The following ITPK1 variants were observed in gnomAD, a reference collection of about 807,000 sequenced individuals.
ITPK1 encodes the protein inositol 1,3,4-trisphosphate 5/6-kinase.
ITPK1 carries 21 observed loss-of-function variants against 45.3 expected under a neutral mutation model. The observed-to-expected ratio is 0.46, with a 90% confidence interval of 0.33 to 0.67. ITPK1 has a LOEUF of 0.67. Among genes scored for constraint, ITPK1 ranks in the 30% least tolerant of loss-of-function variants. ITPK1 has a pLI of 0.02. For missense variants in ITPK1, 474 were observed against 573.5 expected (o/e 0.83, Z 1.77); for synonymous variants, 258 against 253.6 (o/e 1.02, Z -0.16).
intron 3 of ITPK1, among the ~76,000 whole-genome samples, chr14:93,027,001 G>A (rs56136647): frequency 4.5e-4 from 68 of 152,206 alleles, no homozygotes; most frequent in Admixed American, 1.5e-3. Flanking sequence ...TTCCTTCAAC[G>A]TCACTTTTTT....
At chr14:93,021,863 G>A (rs1024819964) in intron 3 of ITPK1, among the ~76,000 whole-genome samples, 1 of 152,072 alleles carries the variant, frequency 6.6e-6, no homozygotes, top group African/African-American at 2.4e-5. Context: ...GGGGAGGGAA[G>A]CTGTTGAAAA....
intron 3 of ITPK1, among the ~76,000 whole-genome samples, chr14:93,044,600 A>T (rs1889700413): frequency 6.6e-6 from 1 of 152,206 alleles, no homozygotes; most frequent in South Asian, 2.1e-4. Flanking sequence ...CAGCCATGCA[A>T]GCCCCTGGGA....
chr14:92,944,152 G>A (rs1485048576), intron 10 of ITPK1, among the ~76,000 whole-genome samples: 1 of 152,158 alleles, frequency 6.6e-6, no homozygotes, highest in East Asian at 1.9e-4. Context: ...TCTCTGGAGG[G>A]GCCCTCTCCC....
intron 5 of ITPK1, among the ~76,000 whole-genome samples, chr14:92,972,354 T>C (rs1885704681): frequency 6.6e-6 from 1 of 152,012 alleles, no homozygotes; most frequent in African/African-American, 2.4e-5. Context: ...AGGACTGGTG[T>C]CCTTATAAGG....
chr14:93,025,791 C>T (rs1342557524), intron 3 of ITPK1, among the ~76,000 whole-genome samples: 3 of 152,186 alleles, frequency 2.0e-5, no homozygotes, highest in South Asian at 4.1e-4. Context: ...TTTTCCTGAC[C>T]AGTCATGCTC....
In ITPK1 at chr14:93,076,546, C is replaced by T; in HGVS notation, c.120+49G>A. The T allele has an allele frequency of 6.2e-7, 1 of 1,609,222 alleles. No individual in the cohort carries two copies. Among genetic ancestry groups the T allele is most frequent in the Non-Finnish European group, 8.5e-7 (1 of 1,175,672 alleles). On this transcript the variant is annotated intron_variant, in intron 3 of 10. Coordinates refer to ENST00000267615, the MANE Select transcript of ITPK1 (RefSeq NM_014216.6). This position sits in a 1 kb window ranked among gnomAD's most constrained non-coding sequence, Gnocchi z 4.3. ...AGAAGGAGAGACAGAGAGGTGGGCA[C>T]CAAGGGCCCCACTACCCAAAGAACC...
chr14:93,067,409 G>C (rs1054373194), intron 3 of ITPK1: 1 of 152,092 alleles, frequency 6.6e-6, no homozygotes, highest in African/African-American at 2.4e-5. Flanking sequence ...CTTGACATGG[G>C]ATGTGGGAAC....
At chr14:93,040,684 C>A (rs13379225) in intron 3 of ITPK1, among the ~76,000 whole-genome samples, 42 of 152,212 alleles carry the variant, frequency 2.8e-4, no homozygotes, top group Admixed American at 1.8e-3. Context: ...CCCTCTCCCC[C>A]CCGCAGGAGG....
intron 4 of ITPK1, among the ~76,000 whole-genome samples, chr14:93,015,050 G>A (rs376963237): frequency 6.5e-4 from 99 of 152,346 alleles, no homozygotes; most frequent in African/African-American, 2.1e-3. Flanking sequence ...CGAAGGAGAC[G>A]GGGGTGAGGC....
chr14:92,994,114 T>C, intron 4 of ITPK1, 117 bp from the exon 5 acceptor site: 1 of 683,496 alleles, frequency 1.5e-6, no homozygotes, highest in East Asian at 2.6e-5. Flanking sequence ...CTAGCTTTGG[T>C]GGAGGGTGGT....
chr14:93,085,088 C>G (rs1239079442), intron 2 of ITPK1, among the ~76,000 whole-genome samples: 1 of 152,268 alleles, frequency 6.6e-6, no homozygotes, highest in African/African-American at 2.4e-5. Context: ...CCGTGTCACC[C>G]CTGCCCGCCT....
chr14:93,090,800 T>G (rs1891837889), intron 2 of ITPK1, among the ~76,000 whole-genome samples: 1 of 152,166 alleles, frequency 6.6e-6, no homozygotes, highest in Non-Finnish European at 1.5e-5. Flanking sequence ...TCATCTGAAT[T>G]GGATTTTCTG....
chr14:93,062,763 G>A (rs901357745), intron 3 of ITPK1, among the ~76,000 whole-genome samples: 14 of 152,270 alleles, frequency 9.2e-5, no homozygotes, highest in African/African-American at 3.4e-4. Context: ...GGCTGCAGGG[G>A]CTGCCAGGCT....
intron 5 of ITPK1, among the ~76,000 whole-genome samples, chr14:92,972,503 T>A (rs971613599): frequency 2.0e-5 from 3 of 152,196 alleles, no homozygotes; most frequent in Non-Finnish European, 4.4e-5. Flanking sequence ...CCTCCAGAAC[T>A]GGGAGGCAGT....
At chr14:92,966,296 C>CCA (rs1191856077) in intron 5 of ITPK1, among the ~76,000 whole-genome samples, 1 of 152,188 alleles carries the variant, frequency 6.6e-6, no homozygotes, top group Non-Finnish European at 1.5e-5. Flanking sequence ...CTGGCCTCAA[C>CCA]TGTATTTCTA....
At chr14:92,999,472 G>T (rs1887230209) in intron 4 of ITPK1, among the ~76,000 whole-genome samples, 1 of 152,254 alleles carries the variant, frequency 6.6e-6, no homozygotes, top group Non-Finnish European at 1.5e-5. Flanking sequence ...GGGTACCATG[G>T]CAGGGCTGGG....
intron 2 of ITPK1, among the ~76,000 whole-genome samples, chr14:93,078,774 T>G (rs2139987509): frequency 6.6e-6 from 1 of 152,102 alleles, no homozygotes; most frequent in South Asian, 2.1e-4. Context: ...TCATTCCCAA[T>G]CATCCTGCCC....
intron 5 of ITPK1, among the ~76,000 whole-genome samples, chr14:92,968,736 C>A (rs563369946): frequency 6.6e-6 from 1 of 152,220 alleles, no homozygotes; most frequent in Admixed American, 6.5e-5. Flanking sequence ...AAGGTCTGCA[C>A]GGTCATTCTT....
intron 5 of ITPK1, among the ~76,000 whole-genome samples, chr14:92,970,856 C>T (rs1885612534): frequency 6.6e-6 from 1 of 152,094 alleles, no homozygotes; most frequent in South Asian, 2.1e-4. Context: ...AGGATGGTCT[C>T]GATCTCCTGA....
Sources: allele counts gnomAD v4.1 joint callset (sites outside exome capture counted in the v4.1 genomes callset), GRCh38; gene constraint gnomAD v4.1.1; non-coding constraint Gnocchi (gnomAD v3.1); transcripts MANE v1.5; gene names NCBI Gene and HGNC (gene_info 2026-07-23, HGNC 2026-07-21).